Variants in AMPH observed in about 807,000 individuals in gnomAD.
The protein encoded by AMPH is amphiphysin.
A neutral mutation model predicts 99.1 loss-of-function variants in AMPH; 49 were observed. The ratio of observed to expected loss-of-function variants is 0.49; its 90% CI spans 0.39 to 0.63. AMPH has a LOEUF of 0.63. Ranked by LOEUF, AMPH falls within the 20% of genes least tolerant of loss-of-function variation. The pLI, the probability that AMPH is intolerant of heterozygous loss-of-function variation, is 0.00. For missense variants in AMPH, 759 were observed against 863.4 expected, an observed-to-expected ratio of 0.88 and a Z score of 1.52; for synonymous variants, 314 against 317.3, an observed-to-expected ratio of 0.99 and a Z score of 0.11.
chr7:38,569,310 T>A (rs997104882), intron 1 of AMPH, among the ~76,000 whole-genome samples: 2 of 151,890 alleles, frequency 1.3e-5, no homozygotes, highest in African/African-American at 2.4e-5. Flanking sequence ...AAGTATGCAA[T>A]TTACAATCAT....
intron 17 of AMPH, among the ~76,000 whole-genome samples, chr7:38,405,513 T>C (rs1452820716): frequency 6.6e-6 from 1 of 152,152 alleles, no homozygotes; most frequent in East Asian, 1.9e-4. Flanking sequence ...AAATGATATA[T>C]GATGCAACTG....
At chr7:38,559,092 A>T (rs1044494937) in intron 1 of AMPH, among the ~76,000 whole-genome samples, 19 of 152,242 alleles carry the variant, frequency 1.2e-4, no homozygotes. Context: ...CAAACTGTAT[A>T]ATTCATGTGT....
At chr7:38,551,231 G>T (rs1026584012) in intron 1 of AMPH, among the ~76,000 whole-genome samples, 1 of 152,060 alleles carries the variant, frequency 6.6e-6, no homozygotes, top group Non-Finnish European at 1.5e-5. Context: ...TAAGAAATAG[G>T]CTTTAACTCT....
chr7:38,571,711 T>C (rs1324095705), intron 1 of AMPH, among the ~76,000 whole-genome samples: 1 of 151,610 alleles, frequency 6.6e-6, no homozygotes, highest in Admixed American at 6.6e-5. Flanking sequence ...AAAATGTTAC[T>C]GTGAGCTAAG....
chr7:38,486,639 A>T (rs1788506969), intron 5 of AMPH, among the ~76,000 whole-genome samples: 1 of 152,110 alleles, frequency 6.6e-6, no homozygotes, highest in South Asian at 2.1e-4. Context: ...AGAAAACTAC[A>T]GACCAGTTTC....
chr7:38,401,768 A>G (rs921682939), intron 17 of AMPH, among the ~76,000 whole-genome samples: 7 of 152,166 alleles, frequency 4.6e-5, no homozygotes, highest in African/African-American at 1.7e-4. Flanking sequence ...ATACATTTCA[A>G]TGTAGTCTCT....
At chr7:38,489,740 C>T (rs923606953) in intron 5 of AMPH, among the ~76,000 whole-genome samples, 8 of 152,022 alleles carry the variant, frequency 5.3e-5, no homozygotes, top group Non-Finnish European at 1.2e-4. Context: ...TCTCCAAAGA[C>T]CTACAAACAA....
Position 38,583,678 on chromosome 7 carries a change from C to T in AMPH, c.69+47605G>A, listed in dbSNP as rs1469654. ...AATAAGAATACTAAAGAAAATAAAGCAGAGCCCCTGCCCCCAGGGAAGCTC... is the reference window on the plus strand; with the variant it reads ...AATAAGAATACTAAAGAAAATAAAGTAGAGCCCCTGCCCCCAGGGAAGCTC... On this transcript the variant is annotated intron_variant, in intron 1 of 20. Coordinates refer to ENST00000356264, the MANE Select transcript of AMPH (RefSeq NM_001635.4). 4.6e-5 allele frequency among the ~76,000 whole-genome samples: 7 copies of T among 152,118 alleles called. No individual in the cohort carries two copies. In the East Asian group the frequency reaches 1.2e-3, roughly 25 times the overall value.
chr7:38,571,555 T>G (rs1187561445), intron 1 of AMPH, among the ~76,000 whole-genome samples: 1 of 141,382 alleles, frequency 7.1e-6, no homozygotes, highest in Non-Finnish European at 1.5e-5. Context: ...AATATATATA[T>G]TTATACTTAT....
chr7:38,619,181 C>G (rs946419588), intron 1 of AMPH, among the ~76,000 whole-genome samples: 1 of 151,960 alleles, frequency 6.6e-6, no homozygotes, highest in African/African-American at 2.4e-5. Context: ...CAGAGCAAGA[C>G]CCTGTCTCTT....
At chr7:38,469,700 A>C (rs942052354) in intron 7 of AMPH, among the ~76,000 whole-genome samples, 1 of 152,020 alleles carries the variant, frequency 6.6e-6, no homozygotes, top group Non-Finnish European at 1.5e-5. Context: ...CACAATCCAC[A>C]ATGGCATGCC....
At chr7:38,572,570 A>G (rs562600572) in intron 1 of AMPH, among the ~76,000 whole-genome samples, 1 of 152,288 alleles carries the variant, frequency 6.6e-6, no homozygotes, top group Admixed American at 6.5e-5. Context: ...GGCTGTTCCC[A>G]TATCTGAGCT....
At chr7:38,445,530 G>T (rs2129000724) in intron 11 of AMPH, among the ~76,000 whole-genome samples, 1 of 152,256 alleles carries the variant, frequency 6.6e-6, no homozygotes, top group East Asian at 1.9e-4. Context: ...TGAGGGAGTT[G>T]TATACAGAAT....
chr7:38,585,260 G>A (rs1194885529), intron 1 of AMPH, among the ~76,000 whole-genome samples: 1 of 152,150 alleles, frequency 6.6e-6, no homozygotes, highest in African/African-American at 2.4e-5. Flanking sequence ...CTATTAGGAG[G>A]CAGTGCCAGA....
intron 17 of AMPH, among the ~76,000 whole-genome samples, chr7:38,398,739 G>A (rs532055428): frequency 6.6e-6 from 1 of 152,144 alleles, no homozygotes; most frequent in Admixed American, 6.5e-5. Flanking sequence ...GGAGGTGATA[G>A]ATATATTTAC....
intron 1 of AMPH, among the ~76,000 whole-genome samples, chr7:38,567,087 C>T (rs1051815341): frequency 1.3e-5 from 2 of 152,144 alleles, no homozygotes; most frequent in Non-Finnish European, 2.9e-5. Flanking sequence ...GACATATGCA[C>T]ATGTATGTTT....
chr7:38,491,506 C>T (rs1000010989), intron 4 of AMPH, among the ~76,000 whole-genome samples: 3 of 152,068 alleles, frequency 2.0e-5, no homozygotes, highest in African/African-American at 7.2e-5. Flanking sequence ...TCCATGAAAT[C>T]AGAAAAAAAT....
In AMPH at chr7:38,384,773, T is replaced by C. The variant is rs745966892; in HGVS notation, c.*45A>G. On this transcript the variant is annotated 3_prime_UTR_variant, in exon 21 of 21. Coordinates refer to ENST00000356264, the MANE Select transcript of AMPH (RefSeq NM_001635.4). ...TGAACTCTTCAGGTTTTCATGAAGG[T>C]TTAAAAACCCCGTAACTGAGCTCCT... is the stretch of plus-strand genomic sequence containing the variant. 2.1e-5 allele frequency: 32 copies of C among 1,513,662 alleles called. No individual in the cohort carries two copies. The highest frequency in any genetic ancestry group is 6.7e-5 in the Admixed American group (4 of 59,546). The allele number at this position is 1,513,662 out of a possible 1,614,324, so 93.8% of individuals were successfully genotyped here.
intron 16 of AMPH, among the ~76,000 whole-genome samples, chr7:38,420,494 A>G (rs890671740): frequency 6.6e-6 from 1 of 152,212 alleles, no homozygotes; most frequent in African/African-American, 2.4e-5. Context: ...GTCATTACAC[A>G]CTCAGAGAAG....
Sources: gnomAD v4.1 joint callset for allele counts (sites outside exome capture counted in the v4.1 genomes callset) on GRCh38, gnomAD v4.1.1 for gene constraint, MANE v1.5 for transcripts, NCBI Gene and HGNC (gene_info 2026-07-23, HGNC 2026-07-21) for gene names.